Variants in SYNE3 observed in about 807,000 individuals in gnomAD.
SYNE3 encodes spectrin repeat containing nuclear envelope family member 3, also known as nesprin-3.
SYNE3 carries 100 observed loss-of-function variants against 111.2 expected under a neutral mutation model. The observed-to-expected ratio is 0.90, with a 90% CI of 0.77 to 1.06. SYNE3 has a LOEUF of 1.06. Ranked by LOEUF, SYNE3 falls within the 50% of genes least tolerant of loss-of-function variation. The pLI is 0.00. For synonymous variants in SYNE3, 547 were observed against 533.9 expected, an observed-to-expected ratio of 1.02 and a Z score of -0.34; for missense variants, 1,160 against 1,240.3, an observed-to-expected ratio of 0.94 and a Z score of 0.97.
chr14:95,432,007 AGT>A (rs1885795680), intron 17 of SYNE3, 70 bp downstream of exon 17: 2 of 1,547,060 alleles, frequency 1.3e-6, no homozygotes, highest in South Asian at 2.3e-5. Flanking sequence ...GTCTTGCCCC[AGT>A]GTCACGGGCC....
intron 4 of SYNE3, among the ~76,000 whole-genome samples, chr14:95,457,627 A>G (rs1887551302): frequency 6.6e-6 from 1 of 152,194 alleles, no homozygotes; most frequent in Admixed American, 6.5e-5. Context: ...AATGGCATTC[A>G]AGACTGAGGT....
intron 13 of SYNE3, 128 bp from the exon 14 acceptor site, chr14:95,439,290 G>A (rs1886274063): frequency 1.5e-6 from 2 of 1,377,690 alleles, no homozygotes; most frequent in South Asian, 1.2e-5. Flanking sequence ...TTGTGAGAAT[G>A]TTCCTGAGGC....
At chr14:95,456,019 C>T in intron 5 of SYNE3, 1 of 436,302 alleles carries the variant, frequency 2.3e-6, no homozygotes, top group Non-Finnish European at 4.0e-6. Flanking sequence ...GTTTATCTTC[C>T]TTTCCATGCC....
intron 9 of SYNE3, among the ~76,000 whole-genome samples, chr14:95,445,092 G>A (rs1024537702): frequency 9.2e-5 from 14 of 152,142 alleles, no homozygotes; most frequent in Non-Finnish European, 1.9e-4. Flanking sequence ...TCTAGTAATT[G>A]CCTACTTATT....
In SYNE3 at chr14:95,407,712, A is replaced by G. The variant is rs1380871810; in HGVS notation, c.*10114T>C. On this transcript the variant is annotated 3_prime_UTR_variant, in exon 18 of 18. Coordinates refer to ENST00000682763, the MANE Select transcript of SYNE3 (RefSeq NM_152592.6). ...TTGTCTTTGACATCAAAAATCATTT[A>G]TGCAGCATCTACATGCACATATACA... 1.3e-5 allele frequency: 2 copies of G among 152,292 alleles called. No homozygotes were observed. Among genetic ancestry groups the G allele is most frequent in the Non-Finnish European group, 2.9e-5 (2 of 68,036 alleles). 9.4% of individuals were successfully genotyped at this position (152,292 alleles called of 1,614,324 possible). A position where few individuals can be genotyped will look rare whatever the true frequency, so the allele number is the denominator to read the frequency against.
At chr14:95,475,529 A>G in intron 2 of SYNE3, 149 bp downstream of exon 2, 1 of 1,021,588 alleles carries the variant, frequency 9.8e-7, no homozygotes, top group South Asian at 3.3e-5. Flanking sequence ...ACTTAAACAA[A>G]ATCTCCAGGA....
rs11623037 is a variant in SYNE3, at chr14:95,412,685, C to A, written c.*5141G>T. 1.3e-5 allele frequency: 2 copies of A among 152,060 alleles called. No individual in the cohort carries two copies. The highest frequency in any genetic ancestry group is 2.9e-5 in the Non-Finnish European group (2 of 68,028). 9.4% of individuals were successfully genotyped at this position (152,060 alleles called of 1,614,324 possible). On this transcript the variant is annotated 3_prime_UTR_variant, in exon 18 of 18. Coordinates refer to ENST00000682763, the MANE Select transcript of SYNE3 (RefSeq NM_152592.6). ...CACAACTTTCCACGATGTCCCTCTT[C>A]CCATTTCTCTTTCCTTCTCTCCCTC...
intron 13 of SYNE3, 142 bp downstream of exon 13, chr14:95,439,469 TG>T: frequency 1.8e-6 from 2 of 1,114,378 alleles, no homozygotes; most frequent in Non-Finnish European, 2.6e-6. Context: ...AATAGCCAAC[TG>T]GGCCAAAGTG....
intron 14 of SYNE3, 150 bp downstream of exon 14, chr14:95,438,883 T>G: frequency 1.8e-6 from 2 of 1,108,636 alleles, no homozygotes; most frequent in East Asian, 4.8e-5. Context: ...TGGCCACAGC[T>G]GGGGCAGGCT....
At chr14:95,513,772 T>TATATATATA (rs56006428) in intron 1 of SYNE3, among the ~76,000 whole-genome samples, 290 of 131,676 alleles carry the variant, frequency 2.2e-3, no homozygotes, top group South Asian at 2.9e-3. Flanking sequence ...TATATATATA[T>TATATATATA]TCAGAATCCA....
intron 1 of SYNE3, among the ~76,000 whole-genome samples, chr14:95,512,837 G>A (rs1036747859): frequency 6.6e-6 from 1 of 151,932 alleles, no homozygotes; most frequent in Non-Finnish European, 1.5e-5. Flanking sequence ...CAGCCTGGGT[G>A]ACAGAGCAAG....
intron 17 of SYNE3, among the ~76,000 whole-genome samples, chr14:95,421,949 C>T (rs9646176): frequency 0.71 from 108,568 of 152,102 alleles, 39,296 homozygotes; most frequent in Non-Finnish European, 0.8. Flanking sequence ...CCAGGAGACC[C>T]TCCCTGGCCT....
chr14:95,424,194 C>T (rs550517007), intron 17 of SYNE3, among the ~76,000 whole-genome samples: 47 of 151,008 alleles, frequency 3.1e-4, no homozygotes, highest in African/African-American at 9.3e-4. Context: ...ACCTATGAGA[C>T]GGTGCAGAAA....
chr14:95,439,807 G>GAC (rs762689608), intron 12 of SYNE3, 23 bp from the exon 13 acceptor site: 51 of 1,603,084 alleles, frequency 3.2e-5, no homozygotes, highest in Non-Finnish European at 3.7e-5. Context: ...CGGACACACA[G>GAC]ACACACACAC....
chr14:95,458,407 A>G (rs1183177018), intron 4 of SYNE3, among the ~76,000 whole-genome samples: 1 of 152,206 alleles, frequency 6.6e-6, no homozygotes, highest in East Asian at 1.9e-4. Context: ...CACCTGCCTC[A>G]TTGGGAGAAA....
At chr14:95,509,627 T>G (rs1890652113) in intron 1 of SYNE3, among the ~76,000 whole-genome samples, 1 of 152,220 alleles carries the variant, frequency 6.6e-6, no homozygotes, top group South Asian at 2.1e-4. Flanking sequence ...CCTCCCGTCC[T>G]TAAGGAACGA....
rs1365372307 is a variant in SYNE3 at position 95,414,995 on chromosome 14, T to C, written c.*2831A>G. 6.6e-6 allele frequency: 1 copy of C among 152,110 alleles called. No homozygotes were observed. The highest frequency in any genetic ancestry group is 1.9e-4 in the East Asian group (1 of 5,196). The allele number at this position is 152,110 out of a possible 1,614,324, so 9.4% of individuals were successfully genotyped here. A position where few individuals can be genotyped will look rare whatever the true frequency, so the allele number is the denominator to read the frequency against. On this transcript the variant is annotated 3_prime_UTR_variant, in exon 18 of 18. Coordinates refer to ENST00000682763, the MANE Select transcript of SYNE3 (RefSeq NM_152592.6). ...GGCATCATTATCAAAATTTAAAAAATATAGGTAGATATTCCCACCCCCGCC... is the reference window on the plus strand; with the variant it reads ...GGCATCATTATCAAAATTTAAAAAACATAGGTAGATATTCCCACCCCCGCC...
At chr14:95,483,195 G>A (rs1889358250) in intron 1 of SYNE3, among the ~76,000 whole-genome samples, 1 of 152,192 alleles carries the variant, frequency 6.6e-6, no homozygotes, top group Non-Finnish European at 1.5e-5. Flanking sequence ...ATTCTGCTCT[G>A]GAACTCAGAA....
chr14:95,439,945 C>A lies in SYNE3; in HGVS notation c.2042G>T (p.Gly681Val). ...CTCGGCCTCTTGGGACTCGGCATCC[C>A]CCGGGCCCGCCTCTCCCCGGTGTGC... Reference protein sequence around the residue: ...LEAHRGEAGPGDAESQEAEFE... With the variant: ...LEAHRGEAGPVDAESQEAEFE... The change falls in exon 12 of 18, where the codon GGG becomes GTG. Residue 681 changes from glycine to valine, a missense_variant. Gly to Val is a moderately radical substitution (Grantham distance 109). Coordinates refer to ENST00000682763, the MANE Select transcript of SYNE3 (RefSeq NM_152592.6). 1 of 1,613,710 alleles carries A rather than the reference C, an allele frequency of 6.2e-7. No homozygotes were observed. Among genetic ancestry groups the A allele is most frequent in the Non-Finnish European group, 8.5e-7 (1 of 1,179,822 alleles).
Sources: allele counts gnomAD v4.1 joint callset (sites outside exome capture counted in the v4.1 genomes callset), GRCh38; gene constraint gnomAD v4.1.1; transcripts MANE v1.5; gene names NCBI Gene and HGNC (gene_info 2026-07-23, HGNC 2026-07-21).